The following PPP1R9A variants were observed in gnomAD, a reference collection of about 807,000 sequenced individuals.
PPP1R9A encodes the protein protein phosphatase 1 regulatory subunit 9A.
PPP1R9A carries 59 observed loss-of-function variants against 141.9 expected under a neutral mutation model. That is an observed-to-expected ratio of 0.42 (90% CI 0.34 to 0.52). PPP1R9A has a LOEUF of 0.52. Ranked by LOEUF, PPP1R9A falls within the 20% of genes least tolerant of loss-of-function variation. The pLI, the probability that PPP1R9A is intolerant of heterozygous loss-of-function variation, is 0.10. For synonymous variants in PPP1R9A, 500 were observed against 569.7 expected, an observed-to-expected ratio of 0.88 and a Z score of 1.74; for missense variants, 1,444 against 1,611.9, an observed-to-expected ratio of 0.90 and a Z score of 1.78.
chr7:95,073,934 G>A (rs1040650544), intron 2 of PPP1R9A, among the ~76,000 whole-genome samples: 2 of 144,856 alleles, frequency 1.4e-5, no homozygotes, highest in Admixed American at 6.7e-5. Flanking sequence ...ACTCACACAC[G>A]CTATTAGGCA....
chr7:95,055,281 A>ATTTCTGTTGAGAACTCTAGTACTGAAGT (rs537502623), intron 2 of PPP1R9A, among the ~76,000 whole-genome samples: 1,608 of 151,294 alleles, frequency 0.011, 51 homozygotes, highest in African/African-American at 0.038. Flanking sequence ...CAACCTCCCC[A>ATTTCTGTTGAGAACTCTAGTACTGAAGT]TTTCTGTTGA....
intron 2 of PPP1R9A, chr7:95,098,183 G>C (rs944200985): frequency 3.3e-5 from 5 of 152,106 alleles, no homozygotes; most frequent in Non-Finnish European, 7.3e-5. Flanking sequence ...TTAAATAACT[G>C]GGAATTGTAG....
chr7:95,093,271 A>G lies in PPP1R9A; in HGVS notation c.1396-17988A>G, dbSNP rs1584649024. ...ACAGTTGTGGGACATTAAAGCCCTA[A>G]TTGACCCTACATCACCTAAAGATAG... On this transcript the variant is annotated intron_variant, in intron 2 of 19. Transcript: ENST00000433360. Among the ~76,000 whole-genome samples, 3 of 152,302 alleles carry G rather than the reference A, an allele frequency of 2.0e-5. No individual in the cohort carries two copies. In the South Asian group the frequency reaches 6.2e-4, roughly 32 times the overall value.
chr7:94,978,057 G>A (rs890414759), intron 2 of PPP1R9A, among the ~76,000 whole-genome samples: 2 of 152,088 alleles, frequency 1.3e-5, no homozygotes, highest in African/African-American at 2.4e-5. Flanking sequence ...CACCATGCCC[G>A]GCCCATCTTG....
intron 2 of PPP1R9A, among the ~76,000 whole-genome samples, chr7:95,031,585 G>A (rs1315111320): frequency 4.6e-5 from 7 of 151,878 alleles, no homozygotes; most frequent in Non-Finnish European, 8.8e-5. Context: ...GTGAAATGCC[G>A]TTTCTACTAA....
At chr7:95,137,866 T>C (rs1825943868) in intron 4 of PPP1R9A, among the ~76,000 whole-genome samples, 1 of 151,958 alleles carries the variant, frequency 6.6e-6, no homozygotes, top group Non-Finnish European at 1.5e-5. Flanking sequence ...TATAGAAATA[T>C]AGATCAATGT....
chr7:95,100,760 G>A (rs1415267151), intron 2 of PPP1R9A, among the ~76,000 whole-genome samples: 3 of 151,824 alleles, frequency 2.0e-5, no homozygotes, highest in African/African-American at 4.8e-5. Context: ...TAGGCTTTTG[G>A]AACTGGGCTT....
chr7:95,097,041 T>A (rs1418553709), intron 2 of PPP1R9A, among the ~76,000 whole-genome samples: 4 of 152,184 alleles, frequency 2.6e-5, no homozygotes, highest in African/African-American at 9.7e-5. Context: ...ATAAAGTTTT[T>A]ATTTTTTTCC....
intron 2 of PPP1R9A, among the ~76,000 whole-genome samples, chr7:95,040,541 G>T (rs890094003): frequency 6.6e-6 from 1 of 151,978 alleles, no homozygotes; most frequent in African/African-American, 2.4e-5. Context: ...TACTCCTGTT[G>T]CCCACAGGAG....
Position 95,286,270 on chromosome 7 carries a change from G to C in PPP1R9A, c.3674G>C (p.Gly1225Ala). 6.2e-7 allele frequency: 1 copy of C among 1,613,662 alleles called. No homozygotes were observed. Among genetic ancestry groups the C allele is most frequent in the Non-Finnish European group, 8.5e-7 (1 of 1,179,738 alleles). The part of the protein sequence containing the change: ...STSSADLSGL[G>A]AEPKTPGLSQ... ...AGTTCAGCAGACCTCAGCGGCTTAG[G>C]AGCAGAACCTAAAACACCAGGGCTC... The change falls in exon 18 of 20, where the codon GGA becomes GCA. Residue 1225 changes from glycine (G) to alanine (A), a missense_variant. By Grantham distance (60) the Gly-to-Ala change is moderately conservative. This residue lies in a region of PPP1R9A where 459 missense variants were observed against 513.8 expected (regional missense o/e 0.89). Transcript: ENST00000433360.
intron 5 of PPP1R9A, among the ~76,000 whole-genome samples, chr7:95,176,226 G>T (rs1281830497): frequency 6.6e-6 from 1 of 152,104 alleles, no homozygotes; most frequent in Non-Finnish European, 1.5e-5. Flanking sequence ...TGGTGGATTT[G>T]CTGGGTGGCT....
At chr7:95,140,297 A>T (rs1031075108) in intron 4 of PPP1R9A, among the ~76,000 whole-genome samples, 6 of 152,228 alleles carry the variant, frequency 3.9e-5, no homozygotes, top group African/African-American at 1.4e-4. Flanking sequence ...AACCACATGG[A>T]TCAAGTGGGA....
chr7:95,230,320 T>C (rs1795748814), intron 8 of PPP1R9A, among the ~76,000 whole-genome samples: 1 of 152,170 alleles, frequency 6.6e-6, no homozygotes, highest in Admixed American at 6.6e-5. Flanking sequence ...ATGAAATCTC[T>C]GAATTGCCAG....
chr7:95,110,787 G>A (rs1457537138), intron 2 of PPP1R9A, among the ~76,000 whole-genome samples: 2 of 152,176 alleles, frequency 1.3e-5, no homozygotes, highest in African/African-American at 4.8e-5. Flanking sequence ...GTGTTAGAAT[G>A]GAGGTCAGGT....
chr7:94,911,022 C>T lies in PPP1R9A; in HGVS notation c.909C>T (p.Pro303=), dbSNP rs576822261. Residue 303 remains proline, a synonymous_variant, in exon 2 of 20, where the codon CCC becomes CCT. Coordinates refer to ENST00000433360, the MANE Select transcript of PPP1R9A (RefSeq NM_001166160.2). ...PGEEIQQSKE[P]EDSTSNQQTP... is the part of the protein sequence containing the mutation. ...AAGAGATCCAGCAGAGCAAGGAACCCGAGGACTCCACATCTAATCAACAGA... is the reference window on the plus strand; with the variant it reads ...AAGAGATCCAGCAGAGCAAGGAACCTGAGGACTCCACATCTAATCAACAGA... The T allele has an allele frequency of 8.1e-6, 13 of 1,614,024 alleles. No homozygotes were observed. Among genetic ancestry groups the T allele is most frequent in the African/African-American group, 6.7e-5 (5 of 74,994 alleles).
At position 94,989,280 on chromosome 7, in the gene PPP1R9A, TTTTA is replaced by T. The variant is rs550535096; in HGVS notation, c.1395+77777_1395+77780del. Among the ~76,000 whole-genome samples, 481 of 152,148 alleles carry T rather than the reference TTTTA, an allele frequency of 3.2e-3. 2 individuals are homozygous for T. Among genetic ancestry groups the T allele is most frequent in the African/African-American group, 0.011 (472 of 41,550 alleles). Reference sequence around the variant, plus strand: ...CTAAGTATTGAACACATTTTGAAGATTTTATTTAAGTCATTAATGATGGAACTAG... The same window carrying T: ...CTAAGTATTGAACACATTTTGAAGATTTTAAGTCATTAATGATGGAACTAG... On this transcript the variant is annotated intron_variant, in intron 2 of 19. Coordinates refer to ENST00000433360, the MANE Select transcript of PPP1R9A (RefSeq NM_001166160.2).
At chr7:95,015,939 G>C (rs1211382551) in intron 2 of PPP1R9A, among the ~76,000 whole-genome samples, 1 of 152,034 alleles carries the variant, frequency 6.6e-6, no homozygotes, top group African/African-American at 2.4e-5. Flanking sequence ...TGTAGGCCTA[G>C]CTACTCAGGA....
At chr7:95,202,535 T>TGG in intron 6 of PPP1R9A, 1 of 752,164 alleles carries the variant, frequency 1.3e-6, no homozygotes, top group Non-Finnish European at 1.6e-6. Context: ...TTTTTTTTTC[T>TGG]TTCTTTCTCT....
chr7:95,162,178 A>G (rs1445388094), intron 5 of PPP1R9A, among the ~76,000 whole-genome samples: 1 of 152,184 alleles, frequency 6.6e-6, no homozygotes, highest in Non-Finnish European at 1.5e-5. Context: ...TTTTAGAAAG[A>G]TACAAAAACA....
Sources: gnomAD v4.1 joint callset for allele counts (sites outside exome capture counted in the v4.1 genomes callset) on GRCh38, gnomAD v4.1.1 for gene constraint, gnomAD v4.1.1 regional missense constraint, MANE v1.5 for transcripts, NCBI Gene and HGNC (gene_info 2026-07-23, HGNC 2026-07-21) for gene names.